Variants in CNTN5 observed in about 807,000 individuals in gnomAD.
The protein encoded by CNTN5 is contactin 5.
In CNTN5, 77 loss-of-function variants were observed where a neutral mutation model predicts 129.1. The ratio of observed to expected loss-of-function variants is 0.60; its 90% CI spans 0.50 to 0.72. The LOEUF is 0.72. CNTN5 is among the 30% of genes least tolerant of loss of function. The pLI is 0.00. For missense variants in CNTN5, 1,478 were observed against 1,328.8 expected (o/e 1.11, Z -1.75); for synonymous variants, 509 against 465.6 (o/e 1.09, Z -1.20).
At chr11:99,347,683 C>T (rs910342663) in intron 2 of CNTN5, among the ~76,000 whole-genome samples, 3 of 151,770 alleles carry the variant, frequency 2.0e-5, no homozygotes, top group Non-Finnish European at 2.9e-5. Flanking sequence ...GTTTAGTATG[C>T]GTTATTTGCA....
rs75297635 is a variant in CNTN5, at chr11:99,194,626, G to C, written c.-209-130720G>C. ...TTGAATTATTTTTTTTTCTTTTAGA[G>C]ATGCAGTCTTGCTCTGTTGCCCAGG... On this transcript the variant is annotated intron_variant, in intron 1 of 24. Transcript: ENST00000524871. Among the ~76,000 whole-genome samples the C allele has an allele frequency of 6.1e-4, 93 of 152,032 alleles. 2 individuals carry two copies. In the East Asian group the frequency reaches 0.017, roughly 28 times the overall value.
intron 3 of CNTN5, among the ~76,000 whole-genome samples, chr11:99,698,124 T>A (rs1303248181): frequency 6.6e-6 from 1 of 151,292 alleles, no homozygotes; most frequent in East Asian, 1.9e-4. Flanking sequence ...TCCCCTTAAT[T>A]CATTGTTGTA....
At chr11:100,197,383 G>C (rs1948666970) in intron 15 of CNTN5, among the ~76,000 whole-genome samples, 2 of 151,974 alleles carry the variant, frequency 1.3e-5, no homozygotes, top group African/African-American at 4.8e-5. Flanking sequence ...CAGCTGTGTG[G>C]AGCAGGGATT....
At chr11:99,400,596 A>G (rs1477305597) in intron 2 of CNTN5, among the ~76,000 whole-genome samples, 1 of 152,108 alleles carries the variant, frequency 6.6e-6, no homozygotes, top group Admixed American at 6.6e-5. Context: ...ATATAGTCCC[A>G]GTGGTGGAAT....
chr11:99,818,159 AT>A (rs1429091593), intron 3 of CNTN5, among the ~76,000 whole-genome samples: 1 of 152,202 alleles, frequency 6.6e-6, no homozygotes, highest in Non-Finnish European at 1.5e-5. Flanking sequence ...AATAATTTTA[AT>A]TAATTATGAG....
intron 1 of CNTN5, among the ~76,000 whole-genome samples, chr11:99,296,945 C>A (rs1333759534): frequency 6.6e-6 from 1 of 152,092 alleles, no homozygotes; most frequent in Non-Finnish European, 1.5e-5. Flanking sequence ...GATATTAAAC[C>A]AAGAAGGGCT....
chr11:100,278,672 T>C (rs1483064258), intron 18 of CNTN5, among the ~76,000 whole-genome samples: 1 of 152,122 alleles, frequency 6.6e-6, no homozygotes, highest in Non-Finnish European at 1.5e-5. Context: ...GAAAATTTAC[T>C]AAATTTGTTC....
chr11:100,220,430 G>T (rs183638081), intron 15 of CNTN5, among the ~76,000 whole-genome samples: 52 of 152,122 alleles, frequency 3.4e-4, no homozygotes, highest in African/African-American at 1.2e-3. Flanking sequence ...ATAAGATTTA[G>T]AAAACTAAAA....
chr11:99,997,978 T>C (rs565567605), intron 8 of CNTN5, among the ~76,000 whole-genome samples: 13 of 152,250 alleles, frequency 8.5e-5, no homozygotes, highest in African/African-American at 2.6e-4. Context: ...AAACTCTCAA[T>C]AAATTAGGGA....
chr11:99,443,983 A>G (rs962824294), intron 2 of CNTN5, among the ~76,000 whole-genome samples: 17 of 152,216 alleles, frequency 1.1e-4, no homozygotes, highest in African/African-American at 4.1e-4. Context: ...GTATCATCTG[A>G]GGTCAGGACT....
intron 1 of CNTN5, among the ~76,000 whole-genome samples, chr11:99,255,501 TTAAA>T (rs10538223): frequency 0.038 from 5,685 of 151,288 alleles, 360 homozygotes; most frequent in African/African-American, 0.13. Flanking sequence ...AATAAATTAA[TTAAA>T]TAAATACTTT....
chr11:99,562,762 A>G (rs1948882396), intron 3 of CNTN5, among the ~76,000 whole-genome samples: 1 of 152,176 alleles, frequency 6.6e-6, no homozygotes, highest in Non-Finnish European at 1.5e-5. Flanking sequence ...TACCTTGCTT[A>G]TAGGTGTAGA....
intron 2 of CNTN5, among the ~76,000 whole-genome samples, chr11:99,450,351 A>G (rs1164730610): frequency 1.3e-5 from 2 of 151,740 alleles, no homozygotes; most frequent in Admixed American, 6.6e-5. Context: ...ATATGTATGT[A>G]TATTGTATAG....
chr11:99,847,265 G>A (rs770541142), intron 6 of CNTN5, among the ~76,000 whole-genome samples: 10 of 152,124 alleles, frequency 6.6e-5, no homozygotes, highest in Non-Finnish European at 1.2e-4. Context: ...GACTGTCCTA[G>A]GTTTTCTGGA....
At chr11:99,379,896 T>C (rs1504710) in intron 2 of CNTN5, among the ~76,000 whole-genome samples, 91,161 of 151,784 alleles carry the variant, frequency 0.6, 28,020 homozygotes, top group African/African-American at 0.74. Context: ...ATATGTGCCA[T>C]ATAAAGGTTT....
At position 100,147,008 on chromosome 11, in the gene CNTN5, A is replaced by G. The variant is rs1468152566; in HGVS notation, c.1581-44118A>G. Among the ~76,000 whole-genome samples, 2 of 152,158 alleles carry G rather than the reference A, an allele frequency of 1.3e-5. 1 individual carries two copies. The highest frequency in any genetic ancestry group is 1.3e-4 in the Admixed American group (2 of 15,254). ...CCTCCTAAATGATCTCTTTGCTAGCATAATCCTCTGTTTCACATGTAAACG... is the reference window on the plus strand; with the variant it reads ...CCTCCTAAATGATCTCTTTGCTAGCGTAATCCTCTGTTTCACATGTAAACG... On this transcript the variant is annotated intron_variant, in intron 13 of 24. Transcript: ENST00000524871.
At chr11:100,234,815 A>AAAG (rs1363541354) in intron 16 of CNTN5, among the ~76,000 whole-genome samples, 19 of 148,894 alleles carry the variant, frequency 1.3e-4, no homozygotes, top group Middle Eastern at 3.5e-3. Flanking sequence ...AAAAAAAAAA[A>AAAG]AAGAAGAAGA....
chr11:99,677,169 T>A (rs1337811969), intron 3 of CNTN5, among the ~76,000 whole-genome samples: 6 of 152,118 alleles, frequency 3.9e-5, no homozygotes, highest in Non-Finnish European at 8.8e-5. Context: ...TAGGCAAAAA[T>A]TTGCTTATTG....
At chr11:99,783,940 T>A (rs1357034107) in intron 3 of CNTN5, among the ~76,000 whole-genome samples, 3 of 151,814 alleles carry the variant, frequency 2.0e-5, no homozygotes, top group Non-Finnish European at 4.4e-5. Flanking sequence ...CTGCACAATG[T>A]GCACATGTAC....
Sources: gnomAD v4.1 joint callset for allele counts (sites outside exome capture counted in the v4.1 genomes callset) on GRCh38, gnomAD v4.1.1 for gene constraint, MANE v1.5 for transcripts, NCBI Gene and HGNC (gene_info 2026-07-23, HGNC 2026-07-21) for gene names.